Variants in GAS7 observed in about 807,000 individuals in gnomAD.
GAS7 encodes growth arrest-specific protein 7.
Under a neutral mutation model 71.1 loss-of-function variants are expected in GAS7, and 28 were observed. The ratio of observed to expected loss-of-function variants is 0.39; its 90% CI spans 0.29 to 0.54. The LOEUF (loss-of-function observed/expected upper bound fraction) is 0.54, where lower values mean the gene tolerates loss of function less well. GAS7 is among the 20% of genes least tolerant of loss of function. GAS7 has a pLI of 0.62. For missense variants in GAS7, 436 were observed against 627.8 expected, an observed-to-expected ratio of 0.69 and a Z score of 3.27; for synonymous variants, 258 against 245.8, an observed-to-expected ratio of 1.05 and a Z score of -0.46.
At chr17:10,042,396 T>C (rs1399520371) in intron 1 of GAS7, among the ~76,000 whole-genome samples, 9 of 152,026 alleles carry the variant, frequency 5.9e-5, no homozygotes, top group Non-Finnish European at 1.0e-4. Context: ...GGAAAAATTA[T>C]TCATCAGCCC....
At chr17:9,987,857 G>C (rs1342663475) in intron 2 of GAS7, among the ~76,000 whole-genome samples, 1 of 152,244 alleles carries the variant, frequency 6.6e-6, no homozygotes, top group Non-Finnish European at 1.5e-5. Flanking sequence ...TTGGGCTCCA[G>C]TGGGAAAGCC....
chr17:9,937,904 G>GA (rs2068457980), intron 8 of GAS7, among the ~76,000 whole-genome samples: 1 of 151,368 alleles, frequency 6.6e-6, no homozygotes, highest in South Asian at 2.1e-4. Flanking sequence ...GAGTCTTTCT[G>GA]TTTTTTTTTA....
chr17:10,057,234 A>C (rs2073152895), intron 1 of GAS7, among the ~76,000 whole-genome samples: 1 of 152,016 alleles, frequency 6.6e-6, no homozygotes, highest in Admixed American at 6.5e-5. Context: ...GGAAGTGAGG[A>C]GCGTCTCTGC....
intron 1 of GAS7, among the ~76,000 whole-genome samples, chr17:10,068,148 A>G (rs1465705684): frequency 6.6e-6 from 1 of 152,214 alleles, no homozygotes; most frequent in East Asian, 1.9e-4. Flanking sequence ...TGTACGAAGC[A>G]CAGTGACATC....
Position 9,969,770 on chromosome 17 carries a change from G to A in GAS7, c.386-8C>T, listed in dbSNP as rs780938605. The A allele has an allele frequency of 1.9e-6, 3 of 1,587,876 alleles. No individual in the cohort carries two copies. The highest frequency in any genetic ancestry group is 2.6e-6 in the Non-Finnish European group (3 of 1,156,072). ...ATGCGTGGTATCCATTCACTGCAGG[G>A]ACAGAGACACGGCTCAGATGCTGTG... On this transcript the variant is annotated splice_region_variant and splice_polypyrimidine_tract_variant and intron_variant, in intron 3 of 13. Transcript: ENST00000432992. The surrounding 1 kb of genome is among the most constrained non-coding windows in gnomAD (Gnocchi z 5.5).
intron 2 of GAS7, among the ~76,000 whole-genome samples, chr17:9,990,029 G>A (rs2070780505): frequency 6.6e-6 from 1 of 152,152 alleles, no homozygotes. Flanking sequence ...CAGCACTTTG[G>A]GAGGCAGAGG....
rs531489241 is a variant in GAS7 at position 10,085,332 on chromosome 17, T to C, written c.184-65435A>G. On this transcript the variant is annotated intron_variant, in intron 1 of 13. Transcript: ENST00000432992. ...GAGTGTCAGCCACGAAGCCAACTTCTCAGGATCTCGATTTCCCCACCTCCA... is the reference window on the plus strand; with the variant it reads ...GAGTGTCAGCCACGAAGCCAACTTCCCAGGATCTCGATTTCCCCACCTCCA... 3.3e-5 allele frequency among the ~76,000 whole-genome samples: 5 copies of C among 152,168 alleles called. No individual in the cohort carries two copies. The East Asian group carries it at 9.7e-4, about 29-fold the overall frequency.
intron 9 of GAS7, among the ~76,000 whole-genome samples, chr17:9,928,250 C>CTACA (rs1315395528): frequency 6.6e-6 from 1 of 150,958 alleles, no homozygotes; most frequent in East Asian, 1.9e-4. Context: ...GTAGCTGGGA[C>CTACA]TACAGGCACC....
chr17:10,155,617 T>C (rs561612233), intron 1 of GAS7, among the ~76,000 whole-genome samples: 44 of 152,250 alleles, frequency 2.9e-4, no homozygotes, highest in African/African-American at 9.4e-4. Context: ...ATGGCCTCCC[T>C]CCCATTTTCT....
At chr17:10,179,296 G>A (rs1327746975) in intron 1 of GAS7, among the ~76,000 whole-genome samples, 1 of 151,658 alleles carries the variant, frequency 6.6e-6, no homozygotes, top group African/African-American at 2.4e-5. Flanking sequence ...TCGTTCCATT[G>A]CACTCCAGCC....
At chr17:10,077,834 A>T (rs1336325294) in intron 1 of GAS7, among the ~76,000 whole-genome samples, 1 of 152,220 alleles carries the variant, frequency 6.6e-6, no homozygotes, top group Non-Finnish European at 1.5e-5. Flanking sequence ...AGAAAAGGGG[A>T]AGACATGAGA....
intron 1 of GAS7, among the ~76,000 whole-genome samples, chr17:10,168,852 C>A (rs1213538898): frequency 6.6e-6 from 1 of 151,222 alleles, no homozygotes; most frequent in Non-Finnish European, 1.5e-5. Context: ...CACCTGTAAT[C>A]CCAGCTACTT....
At chr17:10,110,333 G>A (rs1019753138) in intron 1 of GAS7, among the ~76,000 whole-genome samples, 18 of 152,140 alleles carry the variant, frequency 1.2e-4, no homozygotes, top group Non-Finnish European at 2.2e-4. Flanking sequence ...TGATATGTAG[G>A]AGCTAAAAAA....
In GAS7 at chr17:9,976,980, A is replaced by T. The variant is rs78923222; in HGVS notation, c.385+4824T>A. 4.3e-3 allele frequency among the ~76,000 whole-genome samples: 656 copies of T among 152,326 alleles called. 10 individuals are homozygous for T. The highest frequency in any genetic ancestry group is 0.039 in the East Asian group (201 of 5,178). On this transcript the variant is annotated intron_variant, in intron 3 of 13. Coordinates refer to ENST00000432992, the MANE Select transcript of GAS7 (RefSeq NM_201433.2). Reference sequence around the variant, plus strand: ...AATGCAATATGATTTCCAGGACTGGATCCAAGAACAGAAAAAGGACATGAA... The same window carrying T: ...AATGCAATATGATTTCCAGGACTGGTTCCAAGAACAGAAAAAGGACATGAA...
chr17:9,926,657 T>G lies in GAS7; in HGVS notation c.998A>C (p.Tyr333Ser). The change falls in exon 10 of 14, where the codon TAT becomes TCT. Residue 333 changes from tyrosine to serine, a missense_variant. Coordinates refer to ENST00000432992, the MANE Select transcript of GAS7 (RefSeq NM_201433.2). This position sits in a 1 kb window ranked among gnomAD's most constrained non-coding sequence, Gnocchi z 5.0. ...ADLRKQLASR[Y>S]ASVEKARKAL... Reference sequence around the variant, plus strand: ...GCCTCTCACCTTCTCCACCGAGGCATAGCGGCTGGCGAGCTGCTTGCGAAG... The same window carrying G: ...GCCTCTCACCTTCTCCACCGAGGCAGAGCGGCTGGCGAGCTGCTTGCGAAG... 6.2e-7 allele frequency: 1 copy of G among 1,613,740 alleles called. No individual in the cohort carries two copies. The highest frequency in any genetic ancestry group is 8.5e-7 in the Non-Finnish European group (1 of 1,180,008).
intron 1 of GAS7, among the ~76,000 whole-genome samples, chr17:10,050,042 G>A (rs2073041622): frequency 6.6e-6 from 1 of 151,950 alleles, no homozygotes; most frequent in African/African-American, 2.4e-5. Flanking sequence ...TCTTATTTCT[G>A]TTTTTCTATA....
intron 1 of GAS7, among the ~76,000 whole-genome samples, chr17:10,046,467 G>A (rs898901403): frequency 2.6e-5 from 4 of 151,514 alleles, no homozygotes; most frequent in South Asian, 2.1e-4. Flanking sequence ...CGCTGGGCGC[G>A]GTGGCTCACA....
intron 1 of GAS7, among the ~76,000 whole-genome samples, chr17:10,084,524 T>C (rs950775603): frequency 6.6e-6 from 1 of 152,190 alleles, no homozygotes; most frequent in Non-Finnish European, 1.5e-5. Flanking sequence ...TGGAGTGCGA[T>C]GGTGCAATCT....
chr17:10,070,174 C>T (rs990303644), intron 1 of GAS7, among the ~76,000 whole-genome samples: 2 of 151,846 alleles, frequency 1.3e-5, no homozygotes, highest in Non-Finnish European at 2.9e-5. Flanking sequence ...TCTATGCACC[C>T]CACTCCTCTA....
Sources: allele counts gnomAD v4.1 joint callset (sites outside exome capture counted in the v4.1 genomes callset), GRCh38; gene constraint gnomAD v4.1.1; non-coding constraint Gnocchi (gnomAD v3.1); transcripts MANE v1.5; gene names NCBI Gene and HGNC (gene_info 2026-07-23, HGNC 2026-07-21).